The following PRKCH variants were observed in gnomAD, a reference collection of about 807,000 sequenced individuals.
PRKCH encodes the protein protein kinase C eta.
Under a neutral mutation model 82.5 loss-of-function variants are expected in PRKCH, and 28 were observed. The observed-to-expected ratio is 0.34, with a 90% CI of 0.25 to 0.47. The LOEUF is 0.47. Among genes scored for constraint, PRKCH ranks in the 20% least tolerant of loss-of-function variants. The probability of loss-of-function intolerance (pLI) is 1.00; values close to 1 mark genes in which losing one functional copy is unlikely to be tolerated. For missense variants in PRKCH, 705 were observed against 881.8 expected (o/e 0.80, Z 2.54); for synonymous variants, 322 against 327.4 (o/e 0.98, Z 0.18).
At chr14:61,387,410 G>A (rs1032037302) in intron 1 of PRKCH, among the ~76,000 whole-genome samples, 1 of 152,200 alleles carries the variant, frequency 6.6e-6, no homozygotes, top group Non-Finnish European at 1.5e-5. Context: ...AAGCTCAAGT[G>A]TTATTCCCAG....
At chr14:61,213,905 A>G (rs1356692457) in intron 1 of PRKCH, among the ~76,000 whole-genome samples, 1 of 152,256 alleles carries the variant, frequency 6.6e-6, no homozygotes, top group Admixed American at 6.5e-5. Context: ...ATCTGGGGAT[A>G]CTACAGGAAA....
At chr14:61,382,092 A>C (rs961244135) in intron 1 of PRKCH, among the ~76,000 whole-genome samples, 1 of 152,200 alleles carries the variant, frequency 6.6e-6, no homozygotes, top group Non-Finnish European at 1.5e-5. Flanking sequence ...TCAAGCATTT[A>C]GCAGTTGGCC....
At chr14:61,456,405 G>C (rs1394002552) in intron 7 of PRKCH, among the ~76,000 whole-genome samples, 1 of 152,168 alleles carries the variant, frequency 6.6e-6, no homozygotes, top group Non-Finnish European at 1.5e-5. Flanking sequence ...AATGGCAGGG[G>C]AATTAATACC....
intron 1 of PRKCH, among the ~76,000 whole-genome samples, chr14:61,342,283 T>C (rs2045938600): frequency 6.6e-6 from 1 of 152,046 alleles, no homozygotes; most frequent in African/African-American, 2.4e-5. Context: ...GCATATAATA[T>C]GATCAACCTA....
intron 2 of PRKCH, among the ~76,000 whole-genome samples, chr14:61,435,739 TG>T: frequency 7.7e-6 from 1 of 130,240 alleles, no homozygotes; most frequent in East Asian, 2.2e-4. Flanking sequence ...AATGAATGAA[TG>T]AAACCAGAGC....
chr14:61,297,465 A>T (rs979472409), intron 1 of PRKCH, among the ~76,000 whole-genome samples: 4 of 152,170 alleles, frequency 2.6e-5, no homozygotes, highest in Admixed American at 2.6e-4. Context: ...TTTTCTAAGA[A>T]TGTTGGTGAA....
chr14:61,447,031 C>T (rs922469527), intron 4 of PRKCH, among the ~76,000 whole-genome samples: 1 of 152,170 alleles, frequency 6.6e-6, no homozygotes, highest in African/African-American at 2.4e-5. Context: ...TGATGTCTCC[C>T]TAAGGCATAT....
chr14:61,223,955 CTT>C (rs1280676591), intron 1 of PRKCH, among the ~76,000 whole-genome samples: 1 of 152,222 alleles, frequency 6.6e-6, no homozygotes, highest in East Asian at 1.9e-4. Context: ...TAAGTCTCCT[CTT>C]TGTCATTGTT....
At chr14:61,426,630 G>A (rs1883122817) in intron 2 of PRKCH, among the ~76,000 whole-genome samples, 1 of 152,150 alleles carries the variant, frequency 6.6e-6, no homozygotes, top group African/African-American at 2.4e-5. Context: ...TTTAGAGTTT[G>A]CCACAAATAC....
At chr14:61,500,520 G>A (rs1486650449) in intron 10 of PRKCH, among the ~76,000 whole-genome samples, 2 of 152,112 alleles carry the variant, frequency 1.3e-5, no homozygotes, top group Non-Finnish European at 2.9e-5. Flanking sequence ...GGATATTGTT[G>A]ATGCTGACTA....
intron 1 of PRKCH, among the ~76,000 whole-genome samples, chr14:61,242,482 C>A (rs2044847680): frequency 6.6e-6 from 1 of 152,222 alleles, no homozygotes; most frequent in Admixed American, 6.5e-5. Context: ...ACCACAACCT[C>A]TGCCTCCCAG....
chr14:61,497,515 A>G lies in PRKCH; in HGVS notation c.1433+11859A>G, dbSNP rs959593432. Among the ~76,000 whole-genome samples, 9 of 152,260 alleles carry G rather than the reference A, an allele frequency of 5.9e-5. 1 individual carries two copies. In the Middle Eastern group the frequency reaches 0.01, roughly 173 times the overall value. ...GTGCCATTTTTCTAGTTCCCCTCAT[A>G]GATCTTAAGTGCACAATTGGATAAA... is the stretch of plus-strand genomic sequence containing the variant. On this transcript the variant is annotated intron_variant, in intron 10 of 13. Coordinates refer to ENST00000332981, the MANE Select transcript of PRKCH (RefSeq NM_006255.5).
intron 9 of PRKCH, among the ~76,000 whole-genome samples, chr14:61,458,101 C>G (rs1229037414): frequency 6.6e-6 from 1 of 152,206 alleles, no homozygotes; most frequent in Admixed American, 6.5e-5. Flanking sequence ...GAAGAGGGGT[C>G]TGAGAGGACC....
intron 10 of PRKCH, among the ~76,000 whole-genome samples, chr14:61,489,007 T>C (rs1430502336): frequency 6.6e-6 from 1 of 152,230 alleles, no homozygotes; most frequent in East Asian, 1.9e-4. Context: ...CTTGGATTTA[T>C]TTCACAGGAT....
At chr14:61,222,808 T>C (rs114159815) in intron 1 of PRKCH, among the ~76,000 whole-genome samples, 2,014 of 152,336 alleles carry the variant, frequency 0.013, 32 homozygotes, top group African/African-American at 0.046. Flanking sequence ...TCTGTCTTCT[T>C]GGGAGACCAA....
At chr14:61,520,293 GTCTTTCC>G (rs1482598452) in intron 10 of PRKCH, among the ~76,000 whole-genome samples, 4 of 149,412 alleles carry the variant, frequency 2.7e-5, no homozygotes, top group African/African-American at 9.8e-5. Context: ...TTTTCCTCCT[GTCTTTCC>G]TCCTTTTCTT....
chr14:61,188,381 G>A (rs2044379416), intron 1 of PRKCH, among the ~76,000 whole-genome samples: 1 of 152,218 alleles, frequency 6.6e-6, no homozygotes, highest in South Asian at 2.1e-4. Context: ...GCAAACCGAG[G>A]AAGGCTGGCC....
intron 2 of PRKCH, among the ~76,000 whole-genome samples, chr14:61,436,792 A>G (rs1407537437): frequency 6.6e-6 from 1 of 152,226 alleles, no homozygotes. Context: ...TCAGCCTTCC[A>G]AAGTGCTGGG....
chr14:61,522,982 C>T (rs1375745611), intron 10 of PRKCH, among the ~76,000 whole-genome samples: 3 of 152,332 alleles, frequency 2.0e-5, no homozygotes, highest in African/African-American at 7.2e-5. Flanking sequence ...TAATACAATC[C>T]ATCTTGCTTT....
Sources: allele counts gnomAD v4.1 joint callset (sites outside exome capture counted in the v4.1 genomes callset), GRCh38; gene constraint gnomAD v4.1.1; transcripts MANE v1.5; gene names NCBI Gene and HGNC (gene_info 2026-07-23, HGNC 2026-07-21).